SNX29: variants seen among roughly 807,000 people sequenced by gnomAD.
SNX29 encodes sorting nexin 29.
Under a neutral mutation model 102.1 loss-of-function variants are expected in SNX29, and 78 were observed. The observed-to-expected ratio is 0.76, with a 90% CI of 0.64 to 0.92. SNX29 has a LOEUF of 0.92. Ranked by LOEUF, SNX29 falls within the 40% of genes least tolerant of loss-of-function variation. The probability of loss-of-function intolerance (pLI) is 0.00; values close to 1 mark genes in which losing one functional copy is unlikely to be tolerated. For missense variants in SNX29, 1,280 were observed against 1,061.7 expected, an observed-to-expected ratio of 1.21 and a Z score of -2.86; for synonymous variants, 580 against 414.5, an observed-to-expected ratio of 1.40 and a Z score of -4.85.
At chr16:12,555,829 G>A (rs2078305379) in intron 20 of SNX29, among the ~76,000 whole-genome samples, 1 of 152,206 alleles carries the variant, frequency 6.6e-6, no homozygotes, top group African/African-American at 2.4e-5. Context: ...TGCTCCAGCT[G>A]ACTGACCAAC....
At chr16:12,194,163 G>C (rs1230508321) in intron 13 of SNX29, among the ~76,000 whole-genome samples, 1 of 152,054 alleles carries the variant, frequency 6.6e-6, no homozygotes, top group Non-Finnish European at 1.5e-5. Flanking sequence ...GATTTCTTTT[G>C]TTAGTATTTT....
chr16:12,445,341 C>T lies in SNX29; in HGVS notation c.2038-32378C>T, dbSNP rs191690785. Among the ~76,000 whole-genome samples the T allele has an allele frequency of 1.6e-3, 244 of 152,262 alleles. No homozygotes were observed. The South Asian group carries it at 0.025, about 16-fold the overall frequency. ...CAGAAGACGTTTGCTGAGGCCTTAT[C>T]GAGATGCCCCCGCTTCAGGGCTCCT... On this transcript the variant is annotated intron_variant, in intron 18 of 20. Transcript: ENST00000566228.
At chr16:12,559,618 C>T (rs540980457) in intron 20 of SNX29, among the ~76,000 whole-genome samples, 1 of 152,200 alleles carries the variant, frequency 6.6e-6, no homozygotes, top group Non-Finnish European at 1.5e-5. Context: ...GCCACGTGAC[C>T]TTGCACATGG....
intron 3 of SNX29, among the ~76,000 whole-genome samples, chr16:12,018,380 A>G (rs1353054382): frequency 2.0e-5 from 3 of 151,038 alleles, no homozygotes; most frequent in Non-Finnish European, 2.9e-5. Context: ...GTTTGAGACC[A>G]CCCTGGCCAA....
intron 3 of SNX29, among the ~76,000 whole-genome samples, chr16:12,021,431 A>G (rs1490164202): frequency 1.3e-5 from 2 of 152,158 alleles, no homozygotes; most frequent in Non-Finnish European, 2.9e-5. Flanking sequence ...GACTCAAAAA[A>G]AAAAAATCAA....
intron 13 of SNX29, among the ~76,000 whole-genome samples, chr16:12,169,142 C>G (rs1435565356): frequency 2.6e-5 from 4 of 152,206 alleles, no homozygotes; most frequent in Admixed American, 1.3e-4. Context: ...ATGCTGAAAA[C>G]CACTGAATCG....
intron 18 of SNX29, among the ~76,000 whole-genome samples, chr16:12,405,367 G>C (rs868686184): frequency 3.3e-5 from 5 of 152,086 alleles, no homozygotes; most frequent in Admixed American, 1.3e-4. Context: ...TTCCACAGTG[G>C]CCACTGTGGC....
intron 4 of SNX29, among the ~76,000 whole-genome samples, chr16:12,034,289 G>A (rs140499405): frequency 6.6e-6 from 1 of 152,196 alleles, no homozygotes; most frequent in African/African-American, 2.4e-5. Flanking sequence ...GGGAAGTCCA[G>A]TTCCTCACTC....
intron 19 of SNX29, among the ~76,000 whole-genome samples, chr16:12,489,067 A>G (rs899113267): frequency 6.6e-6 from 1 of 152,150 alleles, no homozygotes; most frequent in African/African-American, 2.4e-5. Context: ...CTTAACCCGT[A>G]TTCTATCTGC....
intron 19 of SNX29, among the ~76,000 whole-genome samples, chr16:12,490,328 C>G (rs184383026): frequency 6.1e-4 from 93 of 152,322 alleles, no homozygotes; most frequent in African/African-American, 2.2e-3. Flanking sequence ...TGGCTTCTTT[C>G]TCTCAGCATC....
At chr16:12,282,299 A>G (rs567189700) in intron 15 of SNX29, among the ~76,000 whole-genome samples, 7 of 152,286 alleles carry the variant, frequency 4.6e-5, no homozygotes, top group African/African-American at 1.7e-4. Context: ...CAGCAACTGC[A>G]GCAATATCAG....
intron 11 of SNX29, among the ~76,000 whole-genome samples, chr16:12,108,535 C>T (rs1313989782): frequency 6.6e-6 from 1 of 152,144 alleles, no homozygotes; most frequent in East Asian, 1.9e-4. Flanking sequence ...CAGAGGCATC[C>T]AAGCTTGTTG....
intron 2 of SNX29, 116 bp from the exon 3 acceptor site, chr16:12,002,875 C>T: frequency 1.8e-6 from 2 of 1,140,536 alleles, no homozygotes; most frequent in South Asian, 1.3e-5. Context: ...ACTTGGCATG[C>T]AGAGCTTCTG....
chr16:12,458,736 G>A (rs1467692193), intron 18 of SNX29, among the ~76,000 whole-genome samples: 6 of 152,134 alleles, frequency 3.9e-5, no homozygotes, highest in African/African-American at 1.4e-4. Flanking sequence ...AGCCTTTGGA[G>A]TGTGTCGCAA....
Position 12,388,558 on chromosome 16 carries a change from C to A in SNX29, c.1900-9888C>A, listed in dbSNP as rs112538506. Among the ~76,000 whole-genome samples the A allele has an allele frequency of 4.9e-3, 744 of 152,324 alleles. 8 individuals carry two copies. Among genetic ancestry groups the A allele is most frequent in the African/African-American group, 0.017 (711 of 41,558 alleles). ...AATTGGCAAACATTTTCCGTAAATG[C>A]CCACATAGTACATGACTGTGCGGGT... On this transcript the variant is annotated intron_variant, in intron 16 of 20. Transcript: ENST00000566228.
Position 12,243,522 on chromosome 16 carries a change from G to A in SNX29, c.1679-34411G>A, listed in dbSNP as rs953846106. On this transcript the variant is annotated intron_variant, in intron 14 of 20. Transcript: ENST00000566228. ...TAGCTAACTTTTACTAGATCCTGCT[G>A]GTTATTCTTGATCTGTTAGGACAGC... Among the ~76,000 whole-genome samples, 3 of 152,322 alleles carry A rather than the reference G, an allele frequency of 2.0e-5. No homozygotes were observed. In the East Asian group the frequency reaches 5.8e-4, roughly 29 times the overall value.
At chr16:12,489,208 A>T (rs1000845846) in intron 19 of SNX29, among the ~76,000 whole-genome samples, 1 of 152,160 alleles carries the variant, frequency 6.6e-6, no homozygotes, top group Non-Finnish European at 1.5e-5. Context: ...AATATTTGAG[A>T]ACTTCAAACG....
At chr16:12,146,032 T>A (rs777591369) in intron 13 of SNX29, among the ~76,000 whole-genome samples, 1 of 152,276 alleles carries the variant, frequency 6.6e-6, no homozygotes. Flanking sequence ...GCCTCTCTTT[T>A]ACCCCTACAG....
intron 3 of SNX29, among the ~76,000 whole-genome samples, chr16:12,026,321 A>C (rs1207405791): frequency 6.6e-6 from 1 of 152,194 alleles, no homozygotes; most frequent in Non-Finnish European, 1.5e-5. Flanking sequence ...TGGTCTGGTT[A>C]ACTTATTTGT....
Sources: gnomAD v4.1 joint callset for allele counts (sites outside exome capture counted in the v4.1 genomes callset) on GRCh38, gnomAD v4.1.1 for gene constraint, MANE v1.5 for transcripts, NCBI Gene and HGNC (gene_info 2026-07-23, HGNC 2026-07-21) for gene names.